The following SUPT6H variants were observed in gnomAD, a reference collection of about 807,000 sequenced individuals.
SUPT6H encodes the protein SPT6 homolog, histone chaperone and transcription elongation factor, also known as transcription elongation factor SPT6.
A neutral mutation model predicts 222.3 loss-of-function variants in SUPT6H; 11 were observed. The observed-to-expected ratio is 0.05, with a 90% CI of 0.03 to 0.08. The LOEUF is 0.08. Ranked by LOEUF, SUPT6H falls within the 10% of genes least tolerant of loss-of-function variation. The pLI is 1.00. For synonymous variants in SUPT6H, 762 were observed against 801.2 expected, an observed-to-expected ratio of 0.95 and a Z score of 0.83; for missense variants, 1,422 against 2,216.0, an observed-to-expected ratio of 0.64 and a Z score of 7.19.
In SUPT6H at chr17:28,700,965, C is replaced by T; in HGVS notation, c.4831C>T (p.Pro1611Ser). The T allele has an allele frequency of 6.2e-7, 1 of 1,613,202 alleles. No individual in the cohort carries two copies. Among genetic ancestry groups the T allele is most frequent in the South Asian group, 1.1e-5 (1 of 91,034 alleles). The change falls in exon 36 of 37, where the codon CCA (proline) becomes TCA (serine). Residue 1611 changes from proline to serine, a missense_variant. Pro to Ser is a moderately conservative substitution (Grantham distance 74). Coordinates refer to ENST00000314616, the MANE Select transcript of SUPT6H (RefSeq NM_003170.5). Reference protein sequence around the residue: ...YHVFPTPAQQPVATPLMTPSY... With the variant: ...YHVFPTPAQQSVATPLMTPSY... ...GGTATTCCCAACGCCAGCCCAGCAG[C>T]CAGTGGCCACACCACTAATGACCCC...
chr17:28,701,907 G>A lies in SUPT6H; in HGVS notation c.*282G>A, dbSNP rs1358384910. 6.6e-6 allele frequency: 3 copies of A among 456,970 alleles called. No homozygotes were observed. Among genetic ancestry groups the A allele is most frequent in the Non-Finnish European group, 1.2e-5 (3 of 252,918 alleles). The allele number at this position is 456,970 out of a possible 1,614,324, so 28.3% of individuals were successfully genotyped here. ...GGAGGAGGAAGAGGAAGGTGAGAAT[G>A]AGTAGAACAGTTTTGTATTCTACTC... On this transcript the variant is annotated 3_prime_UTR_variant, in exon 37 of 37. Coordinates refer to ENST00000314616, the MANE Select transcript of SUPT6H (RefSeq NM_003170.5).
Position 28,677,740 on chromosome 17 carries a change from C to A in SUPT6H, c.923C>A (p.Ala308Asp). 1.9e-6 allele frequency: 3 copies of A among 1,614,190 alleles called. No individual in the cohort carries two copies. Among genetic ancestry groups the A allele is most frequent in the Non-Finnish European group, 2.5e-6 (3 of 1,180,024 alleles). Reference sequence around the variant, plus strand: ...CTCCGCTCCATCCCAGTCAAGGGGGCTGAAGATGATGAACTAGAAGAAGAA... The same window carrying A: ...CTCCGCTCCATCCCAGTCAAGGGGGATGAAGATGATGAACTAGAAGAAGAA... ...FQLRSIPVKG[A>D]EDDELEEEAD... Residue 308 changes from alanine (A) to aspartate (D), a missense_variant, in exon 8 of 37, where the codon GCT (alanine) becomes GAT (aspartate). Ala to Asp is a moderately radical substitution (Grantham distance 126). Around this residue, in one of 13 missense-constraint regions of SUPT6H, gnomAD observed 389 missense variants for 544.6 expected, o/e 0.71. Transcript: ENST00000314616.
chr17:28,664,817 A>G (rs2029920847), intron 1 of SUPT6H, among the ~76,000 whole-genome samples: 1 of 152,228 alleles, frequency 6.6e-6, no homozygotes, highest in Admixed American at 6.5e-5. Flanking sequence ...CCGCAGGGTT[A>G]CCAAAGATAG....
At chr17:28,677,182 G>A (rs2030799775) in intron 7 of SUPT6H, among the ~76,000 whole-genome samples, 1 of 151,770 alleles carries the variant, frequency 6.6e-6, no homozygotes, top group South Asian at 2.1e-4. Flanking sequence ...AGGCCAGCCT[G>A]GGCAACATGG....
chr17:28,678,653 C>A lies in SUPT6H; in HGVS notation c.1206+19C>A. The A allele has an allele frequency of 6.2e-7, 1 of 1,613,426 alleles. No individual in the cohort carries two copies. Among genetic ancestry groups the A allele is most frequent in the Non-Finnish European group, 8.5e-7 (1 of 1,179,734 alleles). ...TGAAAAGGTAATGTAGATCCGTGGC[C>A]CCCAAGAGGTGTGGGCCAGGGAAGG... On this transcript the variant is annotated intron_variant, in intron 10 of 36. Coordinates refer to ENST00000314616, the MANE Select transcript of SUPT6H (RefSeq NM_003170.5).
Position 28,684,868 on chromosome 17 carries a change from G to T in SUPT6H, c.2394G>T (p.Leu798=). 1 of 1,614,116 alleles carries T rather than the reference G, an allele frequency of 6.2e-7. No homozygotes were observed. The highest frequency in any genetic ancestry group is 8.5e-7 in the Non-Finnish European group (1 of 1,180,036). The change falls in exon 19 of 37, where the codon CTG becomes CTT. Residue 798 remains leucine, a synonymous_variant. Coordinates refer to ENST00000314616, the MANE Select transcript of SUPT6H (RefSeq NM_003170.5). ...SARDHPVFCA[L]VNGEGEVTDF... is the part of the protein sequence containing the mutation. ...GAGATCACCCTGTGTTCTGCGCCCT[G>T]GTCAATGGTGAAGGAGAAGTGACAG...
chr17:28,664,468 G>A (rs1002362657), intron 1 of SUPT6H, among the ~76,000 whole-genome samples: 2 of 152,208 alleles, frequency 1.3e-5, no homozygotes, highest in Admixed American at 1.3e-4. Flanking sequence ...TCATGCCACT[G>A]CACTCCAGCA....
intron 29 of SUPT6H, 130 bp downstream of exon 29, chr17:28,695,677 G>A: frequency 9.4e-7 from 1 of 1,059,852 alleles, no homozygotes; most frequent in South Asian, 1.7e-5. Flanking sequence ...AGGTGCTAAG[G>A]CCTGGAGATG....
chr17:28,681,471 C>T, intron 12 of SUPT6H, 67 bp downstream of exon 12: 3 of 1,509,832 alleles, frequency 2.0e-6, no homozygotes, highest in Middle Eastern at 2.5e-4. Flanking sequence ...CATGTAATCC[C>T]AGCATTTTCA....
intron 32 of SUPT6H, among the ~76,000 whole-genome samples, 175 bp from the exon 33 acceptor site, chr17:28,699,606 A>G (rs763984281): frequency 6.6e-6 from 1 of 152,110 alleles, no homozygotes; most frequent in African/African-American, 2.4e-5. Flanking sequence ...CTTGGTCTTC[A>G]ATATGTTCTG....
chr17:28,678,661 G>A (rs1290423078), intron 10 of SUPT6H, 27 bp downstream of exon 10: 2 of 1,611,474 alleles, frequency 1.2e-6, no homozygotes, highest in Admixed American at 1.7e-5. Flanking sequence ...GCCCCCAAGA[G>A]GTGTGGGCCA....
intron 1 of SUPT6H, 50 bp from the exon 2 acceptor site, chr17:28,673,321 T>A: frequency 8.7e-7 from 1 of 1,147,402 alleles, no homozygotes; most frequent in Non-Finnish European, 1.3e-6. Flanking sequence ...AAGAGCCCTC[T>A]GTACAATCAT....
In SUPT6H at chr17:28,676,164, C is replaced by A; in HGVS notation, c.631C>A (p.Gln211Lys). Residue 211 changes from glutamine (Q) to lysine (K), a missense_variant, in exon 7 of 37, where the codon CAA becomes AAA. Transcript: ENST00000314616. ...TCTTGCTGCCACCTACAGGGCCCTG[C>A]AAGAAGCCCAGGAAATCTTCGGTGT... The part of the protein sequence containing the change: ...KLPGYTDAAL[Q>K]EAQEIFGVDF... The A allele has an allele frequency of 1.3e-6, 2 of 1,590,736 alleles. No individual in the cohort carries two copies.
intron 2 of SUPT6H, 177 bp downstream of exon 2, chr17:28,673,687 C>T: frequency 1.7e-6 from 1 of 584,568 alleles, no homozygotes; most frequent in East Asian, 2.8e-5. Context: ...ATGCCAGGCA[C>T]TAGGCCTGGA....
chr17:28,663,249 T>G lies in SUPT6H; in HGVS notation c.-32+907T>G, dbSNP rs573821264. 7.4e-4 allele frequency among the ~76,000 whole-genome samples: 112 copies of G among 152,356 alleles called. 1 individual carries two copies. Among genetic ancestry groups the G allele is most frequent in the African/African-American group, 2.5e-3 (106 of 41,584 alleles). On this transcript the variant is annotated intron_variant, in intron 1 of 36. Coordinates refer to ENST00000314616, the MANE Select transcript of SUPT6H (RefSeq NM_003170.5). ...AGTTTGTAAGTCTTCAGTGTTTTGA[T>G]TACAGAAACATAACTGCTCTTCCAT...
chr17:28,701,147 G>T lies in SUPT6H; in HGVS notation c.4994+19G>T. On this transcript the variant is annotated intron_variant, in intron 36 of 36. Coordinates refer to ENST00000314616, the MANE Select transcript of SUPT6H (RefSeq NM_003170.5). ...AGCCAAAGTAAGTATCTGGATGGTGGCACAGTGCAGGTCAGTGGTAGGGGC... is the reference window on the plus strand; with the variant it reads ...AGCCAAAGTAAGTATCTGGATGGTGTCACAGTGCAGGTCAGTGGTAGGGGC... 6.3e-7 allele frequency: 1 copy of T among 1,596,362 alleles called. No homozygotes were observed.
chr17:28,690,956 C>T lies in SUPT6H; in HGVS notation c.3526C>T (p.His1176Tyr), dbSNP rs757923857. ...CATCTGCAATGTCACTGGCATTGCC[C>T]ACAGGCGTCCCCAGGGTGAGAGCTA... ...LIICNVTGIA[H>Y]RRPQGESYDQ... is the part of the protein sequence containing the mutation. Residue 1176 changes from histidine to tyrosine, a missense_variant, in exon 27 of 37, where the codon CAC becomes TAC. Around this residue, in one of 13 missense-constraint regions of SUPT6H, gnomAD observed 60 missense variants for 96.7 expected, o/e 0.62. Coordinates refer to ENST00000314616, the MANE Select transcript of SUPT6H (RefSeq NM_003170.5). 1 of 1,613,822 alleles carries T rather than the reference C, an allele frequency of 6.2e-7. No homozygotes were observed. Among genetic ancestry groups the T allele is most frequent in the African/African-American group, 1.3e-5 (1 of 74,896 alleles).
chr17:28,678,604 C>A lies in SUPT6H; in HGVS notation c.1176C>A (p.Asp392Glu), dbSNP rs772545974. 1 of 1,614,012 alleles carries A rather than the reference C, an allele frequency of 6.2e-7. No individual in the cohort carries two copies. Among genetic ancestry groups the A allele is most frequent in the Non-Finnish European group, 8.5e-7 (1 of 1,180,026 alleles). ...EYVEPELHIN[D>E]LWRVWQWDEK... is the part of the protein sequence containing the mutation. ...TGGAGCCTGAGTTGCACATCAATGA[C>A]CTATGGAGAGTCTGGCAGTGGGATG... is the stretch of plus-strand genomic sequence containing the variant. The change falls in exon 10 of 37, where the codon GAC (aspartate) becomes GAA (glutamate). Residue 392 changes from aspartate to glutamate, a missense_variant. Physicochemically the swap from Asp to Glu is conservative, Grantham distance 45. This residue lies in a region of SUPT6H where 389 missense variants were observed against 544.6 expected (regional missense o/e 0.71). Transcript: ENST00000314616.
chr17:28,699,954 A>G lies in SUPT6H; in HGVS notation c.4561+61A>G, dbSNP rs570929263. The G allele has an allele frequency of 2.6e-5, 39 of 1,521,950 alleles. No homozygotes were observed. In the Admixed American group the frequency reaches 5.5e-4, roughly 22 times the overall value. 94.3% of individuals were successfully genotyped at this position (1,521,950 alleles called of 1,614,324 possible). The stretch of plus-strand genomic sequence containing the variant: ...TGGAGGAACACCTAGGACCTGACTC[A>G]GAGTAGTCCCAGCCTAGGGGACCAG... On this transcript the variant is annotated intron_variant, in intron 33 of 36. Coordinates refer to ENST00000314616, the MANE Select transcript of SUPT6H (RefSeq NM_003170.5).
Sources: allele counts gnomAD v4.1 joint callset (sites outside exome capture counted in the v4.1 genomes callset), GRCh38; gene constraint gnomAD v4.1.1; regional missense constraint gnomAD v4.1.1; transcripts MANE v1.5; gene names NCBI Gene and HGNC (gene_info 2026-07-23, HGNC 2026-07-21).